The following ASB2 variants were observed in gnomAD, a reference collection of about 807,000 sequenced individuals.
ASB2 encodes the protein ankyrin repeat and SOCS box protein 2.
In ASB2, 58 loss-of-function variants were observed where a neutral mutation model predicts 62.4. That is an observed-to-expected ratio of 0.93 (90% CI 0.75 to 1.16). ASB2 has a LOEUF of 1.16. Ranked by LOEUF, ASB2 falls within the 50% of genes most tolerant of loss-of-function variation. ASB2 has a pLI of 0.00. For synonymous variants in ASB2, 386 were observed against 385.3 expected (o/e 1.00, Z -0.02); for missense variants, 928 against 887.9 (o/e 1.05, Z -0.57).
At chr14:93,950,913 A>G in intron 6 of ASB2, 86 bp downstream of exon 6, 1 of 1,464,170 alleles carries the variant, frequency 6.8e-7, no homozygotes, top group South Asian at 1.3e-5. Context: ...ATGACCCCTA[A>G]CTCGCCTTCC....
chr14:93,952,000 C>T (rs1386265238), intron 5 of ASB2, among the ~76,000 whole-genome samples: 1 of 152,148 alleles, frequency 6.6e-6, no homozygotes, highest in Admixed American at 6.5e-5. Context: ...CACCTGGGCA[C>T]TTTTCCAAAT....
rs762203859 is a variant in ASB2, at chr14:93,953,417, G to A, written c.569C>T (p.Ser190Leu). Residue 190 changes from serine to leucine, a missense_variant, in exon 5 of 10, where the codon TCA (serine) becomes TTA (leucine). Ser to Leu is a moderately radical substitution (Grantham distance 145). Coordinates refer to ENST00000555019, the MANE Select transcript of ASB2 (RefSeq NM_001202429.2). ...CGGCTCTGCCCCTGCTTGGAGCAGT[G>A]ACAGGAGACAGTCCAGGTGGCCCCT... ...TCRGHLDCLL[S>L]LLQAGAEPDI... 2.5e-6 allele frequency: 4 copies of A among 1,608,204 alleles called. No homozygotes were observed. Among genetic ancestry groups the A allele is most frequent in the Non-Finnish European group, 3.4e-6 (4 of 1,175,428 alleles).
chr14:93,939,283 G>GT lies in ASB2; in HGVS notation c.1441dup (p.Thr481AsnfsTer62). 17 of 1,609,734 alleles carry GT rather than the reference G, an allele frequency of 1.1e-5. No homozygotes were observed. The highest frequency in any genetic ancestry group is 1.4e-5 in the Non-Finnish European group (17 of 1,176,938). ...CAGGCACTTCATGGCGAACATGATG[G>GT]TGGCGGGGAAGGCGGTGGGGTGCGT... On this transcript the variant is annotated frameshift_variant, in exon 8 of 10. Coordinates refer to ENST00000555019, the MANE Select transcript of ASB2 (RefSeq NM_001202429.2). LOFTEE classifies it high-confidence loss of function.
At chr14:93,957,655 C>T (rs1463144593) in intron 2 of ASB2, among the ~76,000 whole-genome samples, 1 of 152,168 alleles carries the variant, frequency 6.6e-6, no homozygotes, top group Non-Finnish European at 1.5e-5. Flanking sequence ...GAGTGTGAGG[C>T]ACAGAGGGTG....
At chr14:93,970,547 G>A (rs1889730205) in intron 1 of ASB2, among the ~76,000 whole-genome samples, 1 of 152,126 alleles carries the variant, frequency 6.6e-6, no homozygotes, top group South Asian at 2.1e-4. Flanking sequence ...AACTTCTGAG[G>A]AGCAGGACTA....
chr14:93,960,674 CA>C (rs1889376650), intron 2 of ASB2, among the ~76,000 whole-genome samples: 1 of 152,112 alleles, frequency 6.6e-6, no homozygotes, highest in African/African-American at 2.4e-5. Context: ...CAAAGCTTGG[CA>C]AATGATCCTC....
At chr14:93,939,745 A>T in intron 7 of ASB2, 73 bp from the exon 8 acceptor site, 1 of 1,220,698 alleles carries the variant, frequency 8.2e-7, no homozygotes, top group Non-Finnish European at 1.1e-6. Context: ...CCCCGCCAGC[A>T]GGAGAGCTCG....
At chr14:93,961,736 C>T (rs1889412284) in intron 2 of ASB2, among the ~76,000 whole-genome samples, 1 of 152,230 alleles carries the variant, frequency 6.6e-6, no homozygotes, top group South Asian at 2.1e-4. Flanking sequence ...TCGGGTCCTG[C>T]ATCCACTGTA....
intron 7 of ASB2, 87 bp downstream of exon 7, chr14:93,947,262 A>C: frequency 4.9e-6 from 7 of 1,443,032 alleles, no homozygotes; most frequent in Non-Finnish European, 9.6e-7. Flanking sequence ...TGGGTGGGAC[A>C]TTCAGGGCAG....
intron 7 of ASB2, chr14:93,942,336 G>T (rs377638684): frequency 2.4e-5 from 11 of 453,066 alleles, no homozygotes; most frequent in South Asian, 1.7e-4. Context: ...CCCCAATGCA[G>T]AGGCCACAAC....
At chr14:93,954,134 C>A in intron 4 of ASB2, 183 bp downstream of exon 4, 1 of 598,420 alleles carries the variant, frequency 1.7e-6, no homozygotes, top group Non-Finnish European at 3.0e-6. Context: ...GAGGTGGCAG[C>A]AGGGGGTGGG....
At chr14:93,935,869 C>T (rs924652582) in intron 9 of ASB2, among the ~76,000 whole-genome samples, 31 of 152,338 alleles carry the variant, frequency 2.0e-4, no homozygotes, top group African/African-American at 7.0e-4. Flanking sequence ...GTTGCCCGGG[C>T]AGCTTGCCTG....
intron 6 of ASB2, among the ~76,000 whole-genome samples, chr14:93,949,503 C>A (rs891741337): frequency 6.6e-6 from 1 of 152,222 alleles, no homozygotes; most frequent in African/African-American, 2.4e-5. Flanking sequence ...GGAAGCTGCT[C>A]AGCAAATGCC....
chr14:93,957,276 T>C (rs1889260604), intron 2 of ASB2: 3 of 1,127,798 alleles, frequency 2.7e-6, no homozygotes, highest in Non-Finnish European at 3.3e-6. Flanking sequence ...GGCAGATCCC[T>C]GCGGGGCTGG....
At chr14:93,941,286 A>C (rs1888507253) in intron 7 of ASB2, 2 of 247,136 alleles carry the variant, frequency 8.1e-6, no homozygotes, top group African/African-American at 2.4e-5. Context: ...GTGACCTCAC[A>C]GCCTCCTGTG....
intron 2 of ASB2, among the ~76,000 whole-genome samples, chr14:93,959,723 C>T (rs920208123): frequency 4.6e-5 from 7 of 151,974 alleles, no homozygotes; most frequent in African/African-American, 1.7e-4. Context: ...AATTCAGGCA[C>T]GGTCAGCCTC....
chr14:93,950,420 C>T (rs12879997), intron 6 of ASB2, among the ~76,000 whole-genome samples: 31,699 of 152,190 alleles, frequency 0.21, 3,504 homozygotes, highest in African/African-American at 0.3. Flanking sequence ...AGATATTTCA[C>T]AGGCAAAGAG....
At chr14:93,959,473 C>T (rs1020973094) in intron 2 of ASB2, among the ~76,000 whole-genome samples, 5 of 152,182 alleles carry the variant, frequency 3.3e-5, no homozygotes, top group Non-Finnish European at 5.9e-5. Context: ...TTCGTGCTCT[C>T]GCCAATCAAG....
chr14:93,939,432 C>G lies in ASB2; in HGVS notation c.1293G>C (p.Leu431=). The change falls in exon 8 of 10, where the codon CTG becomes CTC. Residue 431 remains leucine, a synonymous_variant. Transcript: ENST00000555019. Reference sequence around the variant, plus strand: ...CGCGGTTGGGGTCGGCGCCGTGTTGCAGCAGCAGCTCGGTGGCGTACACGT... The same window carrying G: ...CGCGGTTGGGGTCGGCGCCGTGTTGGAGCAGCAGCTCGGTGGCGTACACGT... ...NNNVYATELL[L]QHGADPNRDV... 1 of 1,612,772 alleles carries G rather than the reference C, an allele frequency of 6.2e-7. No homozygotes were observed. Among genetic ancestry groups the G allele is most frequent in the Non-Finnish European group, 8.5e-7 (1 of 1,179,822 alleles).
Sources: gnomAD v4.1 joint callset for allele counts (sites outside exome capture counted in the v4.1 genomes callset) on GRCh38, gnomAD v4.1.1 for gene constraint, MANE v1.5 for transcripts, NCBI Gene and HGNC (gene_info 2026-07-23, HGNC 2026-07-21) for gene names.